Variants in RAD51B observed in about 807,000 individuals in gnomAD.
RAD51B encodes RAD51 paralog B, also known as DNA repair protein RAD51 homolog 2.
Under a neutral mutation model 42.2 loss-of-function variants are expected in RAD51B, and 38 were observed. The observed-to-expected ratio is 0.90, with a 90% CI of 0.70 to 1.18. The LOEUF (loss-of-function observed/expected upper bound fraction) is 1.18. Among genes scored for constraint, RAD51B ranks in the 50% most tolerant of loss-of-function variants. The pLI is 0.00. For missense variants in RAD51B, 373 were observed against 400.7 expected (o/e 0.93, Z 0.59); for synonymous variants, 154 against 145.2 (o/e 1.06, Z -0.43).
chr14:68,622,382 C>CAGGAGGAGA (rs1891968636), intron 10 of RAD51B, among the ~76,000 whole-genome samples: 1 of 152,198 alleles, frequency 6.6e-6, no homozygotes, highest in Non-Finnish European at 1.5e-5. Context: ...CATGGTCTCT[C>CAGGAGGAGA]TCCTCCTGAA....
At chr14:68,136,121 G>A (rs2078004134) in intron 7 of RAD51B, among the ~76,000 whole-genome samples, 1 of 152,132 alleles carries the variant, frequency 6.6e-6, no homozygotes, top group Non-Finnish European at 1.5e-5. Context: ...CCCAAACATA[G>A]GAAAATCTTC....
chr14:68,437,637 A>G (rs1470346691), intron 9 of RAD51B, among the ~76,000 whole-genome samples: 1 of 152,074 alleles, frequency 6.6e-6, no homozygotes, highest in African/African-American at 2.4e-5. Context: ...CTGGGTACAT[A>G]TGTGTGCCAA....
chr14:68,119,625 A>T lies in RAD51B; in HGVS notation c.757-172259A>T, dbSNP rs1478332588. 2.3e-4 allele frequency among the ~76,000 whole-genome samples: 35 copies of T among 149,692 alleles called. No homozygotes were observed. The South Asian group carries it at 7.2e-3, about 31-fold the overall frequency. ...AGAATGATGATTTCCAATTTCATCC[A>T]TGTCCCTACAAAGGACACGAACTCA... On this transcript the variant is annotated intron_variant, in intron 7 of 10. Coordinates refer to ENST00000471583, the MANE Select transcript of RAD51B (RefSeq NM_133510.4).
intron 7 of RAD51B, among the ~76,000 whole-genome samples, chr14:68,248,161 A>G (rs1028215644): frequency 6.6e-6 from 1 of 152,228 alleles, no homozygotes; most frequent in Admixed American, 6.5e-5. Context: ...AGAAGTAATA[A>G]TACTTTAAAA....
intron 11 of RAD51B, among the ~76,000 whole-genome samples, chr14:68,662,689 A>C (rs1320292575): frequency 6.6e-6 from 1 of 152,246 alleles, no homozygotes; most frequent in Non-Finnish European, 1.5e-5. Context: ...CCTCCAAAAA[A>C]GTACAGTGAG....
At chr14:68,431,021 G>A (rs1253820064) in intron 9 of RAD51B, among the ~76,000 whole-genome samples, 1 of 152,144 alleles carries the variant, frequency 6.6e-6, no homozygotes, top group African/African-American at 2.4e-5. Flanking sequence ...TGTGGTTTTT[G>A]TCTTTGGTTC....
chr14:68,500,583 G>A (rs137947543), intron 10 of RAD51B, among the ~76,000 whole-genome samples: 343 of 152,350 alleles, frequency 2.3e-3, no homozygotes, highest in African/African-American at 7.3e-3. Context: ...TGGAGTGATG[G>A]GTTGATTGAA....
intron 9 of RAD51B, among the ~76,000 whole-genome samples, chr14:68,413,920 T>G (rs17755657): frequency 0.27 from 35,075 of 128,304 alleles, 4,293 homozygotes; most frequent in Non-Finnish European, 0.31. Flanking sequence ...ACAGGTATAG[T>G]TTTTTGTTTT....
At chr14:68,261,738 T>C (rs2139549178) in intron 7 of RAD51B, among the ~76,000 whole-genome samples, 1 of 152,268 alleles carries the variant, frequency 6.6e-6, no homozygotes, top group South Asian at 2.1e-4. Context: ...ATTAGGTATT[T>C]TTAAATCCCT....
intron 4 of RAD51B, among the ~76,000 whole-genome samples, chr14:67,863,150 A>ATTTTTTTTTTTTTTTTTTTTTTTTTT (rs5809367): frequency 1.8e-4 from 13 of 74,028 alleles, no homozygotes; most frequent in Non-Finnish European, 2.3e-4. Flanking sequence ...AAATATGGGA[A>ATTTTTTTTTTTTTTTTTTTTTTTTTT]TTTTTTTTTT....
At chr14:67,995,677 G>T (rs556405802) in intron 7 of RAD51B, among the ~76,000 whole-genome samples, 5 of 151,402 alleles carry the variant, frequency 3.3e-5, no homozygotes, top group African/African-American at 1.2e-4. Flanking sequence ...GAGTGCAGTG[G>T]CGCAATCTCA....
intron 10 of RAD51B, among the ~76,000 whole-genome samples, chr14:68,500,803 C>A (rs1262606794): frequency 2.0e-5 from 3 of 152,190 alleles, no homozygotes; most frequent in Non-Finnish European, 4.4e-5. Flanking sequence ...AGCTGACAGT[C>A]CACTGCTGAG....
At chr14:68,646,536 C>T (rs949766963) in intron 10 of RAD51B, among the ~76,000 whole-genome samples, 4 of 152,108 alleles carry the variant, frequency 2.6e-5, no homozygotes, top group African/African-American at 2.4e-5. Context: ...TTTAATTTGG[C>T]TTATATTATT....
chr14:67,970,390 C>T (rs2074872645), intron 7 of RAD51B, among the ~76,000 whole-genome samples: 1 of 151,996 alleles, frequency 6.6e-6, no homozygotes, highest in Non-Finnish European at 1.5e-5. Flanking sequence ...TACATAAAAG[C>T]AAAGGTTTTG....
chr14:68,608,522 G>A (rs889864195), intron 10 of RAD51B, among the ~76,000 whole-genome samples: 2 of 152,212 alleles, frequency 1.3e-5, no homozygotes, highest in Non-Finnish European at 2.9e-5. Context: ...ACCTAGAATG[G>A]GGCTTTAACC....
intron 7 of RAD51B, among the ~76,000 whole-genome samples, chr14:68,132,687 T>G (rs917155040): frequency 6.6e-6 from 1 of 152,190 alleles, no homozygotes; most frequent in Admixed American, 6.5e-5. Flanking sequence ...AACCAGAGAC[T>G]CAAATGCAGC....
chr14:67,867,621 GAGA>G (rs1402128464), intron 5 of RAD51B, among the ~76,000 whole-genome samples: 2 of 152,202 alleles, frequency 1.3e-5, no homozygotes, highest in East Asian at 1.9e-4. Context: ...AAAGTGAGGG[GAGA>G]AGATCGTCGT....
chr14:68,037,665 G>A lies in RAD51B; in HGVS notation c.756+150461G>A, dbSNP rs545899915. ...CAAATGTCTTGCCAATGTCTTAAATGTTGCAATTTTTGTAAAATCTTCCGT... is the reference window on the plus strand; with the variant it reads ...CAAATGTCTTGCCAATGTCTTAAATATTGCAATTTTTGTAAAATCTTCCGT... On this transcript the variant is annotated intron_variant, in intron 7 of 10. Transcript: ENST00000471583. Among the ~76,000 whole-genome samples the A allele has an allele frequency of 3.3e-5, 5 of 152,320 alleles. No individual in the cohort carries two copies. In the South Asian group the frequency reaches 1.0e-3, roughly 32 times the overall value.
chr14:68,574,762 T>A (rs1197278718), intron 10 of RAD51B, among the ~76,000 whole-genome samples: 1 of 152,232 alleles, frequency 6.6e-6, no homozygotes, highest in Non-Finnish European at 1.5e-5. Context: ...AGTTTATTTT[T>A]ATTTTTTCAT....
Sources: allele counts gnomAD v4.1 joint callset (sites outside exome capture counted in the v4.1 genomes callset), GRCh38; gene constraint gnomAD v4.1.1; transcripts MANE v1.5; gene names NCBI Gene and HGNC (gene_info 2026-07-23, HGNC 2026-07-21).